The following GPBP1 variants were observed in gnomAD, a reference collection of about 807,000 sequenced individuals.
GPBP1 encodes vasculin.
In GPBP1, 13 loss-of-function variants were observed where a neutral mutation model predicts 56.5. That is an observed-to-expected ratio of 0.23 (90% CI 0.15 to 0.37). The LOEUF is 0.37. Among genes scored for constraint, GPBP1 ranks in the 10% least tolerant of loss-of-function variants. The pLI is 1.00. For synonymous variants in GPBP1, 204 were observed against 188.9 expected, an observed-to-expected ratio of 1.08 and a Z score of -0.66; for missense variants, 477 against 572.3, an observed-to-expected ratio of 0.83 and a Z score of 1.70.
chr5:57,186,389 A>T (rs892438617), intron 2 of GPBP1, among the ~76,000 whole-genome samples: 5 of 56,778 alleles, frequency 8.8e-5, no homozygotes, highest in African/African-American at 3.2e-4. Flanking sequence ...TTGCCTCTTT[A>T]AAAAAAAAAA....
chr5:57,264,361 T>C lies in GPBP1; in HGVS notation c.*1609T>C, dbSNP rs768678846. 13 of 152,186 alleles carry C rather than the reference T, an allele frequency of 8.5e-5. No individual in the cohort carries two copies. Among genetic ancestry groups the C allele is most frequent in the Admixed American group, 2.0e-4 (3 of 15,266 alleles). 9.4% of individuals were successfully genotyped at this position (152,186 alleles called of 1,614,324 possible). A position where few individuals can be genotyped will look rare whatever the true frequency, so the allele number is the denominator to read the frequency against. On this transcript the variant is annotated 3_prime_UTR_variant, in exon 12 of 12. Transcript: ENST00000506184. ...TTGACGAAGCTATCGGTAACACATATTGAATGTCTTTGAGACTCTTAGATT... is the reference window on the plus strand; with the variant it reads ...TTGACGAAGCTATCGGTAACACATACTGAATGTCTTTGAGACTCTTAGATT...
chr5:57,261,324 C>CAAAT, intron 11 of GPBP1, 42 bp downstream of exon 11: 1 of 1,062,486 alleles, frequency 9.4e-7, no homozygotes, highest in South Asian at 1.3e-5. Flanking sequence ...TTAAACTGCC[C>CAAAT]TTATTTAGAA....
chr5:57,205,229 T>C (rs187133585), intron 2 of GPBP1, among the ~76,000 whole-genome samples: 161 of 152,346 alleles, frequency 1.1e-3, no homozygotes, highest in African/African-American at 3.5e-3. Context: ...TGGCTTCTCT[T>C]TGTTTTTGAC....
intron 2 of GPBP1, among the ~76,000 whole-genome samples, chr5:57,180,409 T>G (rs533366789): frequency 6.6e-6 from 1 of 152,162 alleles, no homozygotes; most frequent in Non-Finnish European, 1.5e-5. Context: ...CGTGAGCCAC[T>G]GCACCTGGTC....
At chr5:57,229,244 AAAAAAAAAAAAAAAAAAAAAAAAGG>A (rs1269978083) in intron 3 of GPBP1, among the ~76,000 whole-genome samples, 1 of 64,738 alleles carries the variant, frequency 1.5e-5, no homozygotes, top group Non-Finnish European at 2.9e-5. Flanking sequence ...AAAAAAAAAA[AAAAAAAAAAAAAAAAAAAAAAAAGG>A]AGTTGTCTGT....
intron 2 of GPBP1, among the ~76,000 whole-genome samples, chr5:57,176,960 A>T (rs1421176739): frequency 6.6e-6 from 1 of 152,346 alleles, no homozygotes; most frequent in South Asian, 2.1e-4. Context: ...TTAATCCGTT[A>T]TAGAAATTAA....
At chr5:57,231,407 G>A in intron 5 of GPBP1, 86 bp downstream of exon 5, 1 of 1,029,114 alleles carries the variant, frequency 9.7e-7, no homozygotes, top group African/African-American at 1.6e-5. Context: ...TCCAGTATCT[G>A]GGATTACAGG....
intron 6 of GPBP1, chr5:57,246,004 A>G (rs1463360769): frequency 9.2e-6 from 2 of 218,088 alleles, no homozygotes; most frequent in African/African-American, 4.5e-5. Context: ...TAGTTAATGC[A>G]AGGCATGTTA....
chr5:57,223,447 G>A (rs1305278149), intron 3 of GPBP1, among the ~76,000 whole-genome samples: 2 of 152,020 alleles, frequency 1.3e-5, no homozygotes, highest in African/African-American at 2.4e-5. Context: ...CCAATTCTTG[G>A]TGCTATCAGT....
intron 2 of GPBP1, among the ~76,000 whole-genome samples, chr5:57,192,516 G>A (rs1053272506): frequency 2.6e-5 from 4 of 151,790 alleles, no homozygotes; most frequent in Admixed American, 6.6e-5. Flanking sequence ...CACTTTGGGA[G>A]GCTGAGGTAG....
Position 57,214,181 on chromosome 5 carries a change from A to T in GPBP1, c.51A>T (p.Pro17=). 2 of 1,612,632 alleles carry T rather than the reference A, an allele frequency of 1.2e-6. No individual in the cohort carries two copies. Among genetic ancestry groups the T allele is most frequent in the Non-Finnish European group, 1.7e-6 (2 of 1,178,724 alleles). ...APAWLNFPTP[P]SSTKSSLNFE... is the part of the protein sequence containing the mutation. ...CCTGGCTTAATTTCCCTACTCCACC[A>T]TCATCAACAAAGGTACTCTTTCTGC... Residue 17 remains proline, a synonymous_variant, in exon 3 of 12, where the codon CCA becomes CCT. Transcript: ENST00000506184.
intron 2 of GPBP1, among the ~76,000 whole-genome samples, chr5:57,209,718 A>C (rs935725216): frequency 6.6e-6 from 1 of 152,102 alleles, no homozygotes; most frequent in Non-Finnish European, 1.5e-5. Context: ...AGATTTTGTC[A>C]AATGCTTTTT....
At chr5:57,215,727 G>A (rs1580015834) in intron 3 of GPBP1, among the ~76,000 whole-genome samples, 2 of 152,190 alleles carry the variant, frequency 1.3e-5, no homozygotes, top group South Asian at 4.1e-4. Context: ...TTTGAATAAA[G>A]TTAGTTCCTT....
At chr5:57,202,359 G>C (rs1396128876) in intron 2 of GPBP1, among the ~76,000 whole-genome samples, 2 of 152,086 alleles carry the variant, frequency 1.3e-5, no homozygotes, top group Non-Finnish European at 2.9e-5. Context: ...CCTGATCTTG[G>C]CTCGCTGCAA....
chr5:57,250,042 C>T (rs1741309239), intron 9 of GPBP1, among the ~76,000 whole-genome samples: 2 of 121,856 alleles, frequency 1.6e-5, no homozygotes, highest in African/African-American at 6.5e-5. Context: ...AGGGCATCAT[C>T]TTGGGCTGCA....
In GPBP1 at chr5:57,224,741, C is replaced by G. The variant is rs370217469; in HGVS notation, c.64-6105C>G. On this transcript the variant is annotated intron_variant, in intron 3 of 11. Coordinates refer to ENST00000506184, the MANE Select transcript of GPBP1 (RefSeq NM_022913.4). ...ATAGTTTTAAAATTCGGGATTATGACCTGACCATCCCTGGACATGATGTTG... is the reference window on the plus strand; with the variant it reads ...ATAGTTTTAAAATTCGGGATTATGAGCTGACCATCCCTGGACATGATGTTG... 7.9e-5 allele frequency among the ~76,000 whole-genome samples: 12 copies of G among 152,198 alleles called. 1 individual carries two copies. In the South Asian group the frequency reaches 2.5e-3, roughly 32 times the overall value.
chr5:57,188,551 A>G (rs1754387078), intron 2 of GPBP1, among the ~76,000 whole-genome samples: 2 of 152,004 alleles, frequency 1.3e-5, no homozygotes. Context: ...CCTGGGCAGC[A>G]TGGTGAAATC....
intron 3 of GPBP1, among the ~76,000 whole-genome samples, chr5:57,216,895 C>T (rs1755720981): frequency 6.6e-6 from 1 of 150,968 alleles, no homozygotes; most frequent in Admixed American, 6.6e-5. Context: ...AAATAAGACT[C>T]GAATGGCTCA....
intron 3 of GPBP1, among the ~76,000 whole-genome samples, chr5:57,216,023 C>G (rs1267319306): frequency 1.3e-5 from 2 of 152,158 alleles, no homozygotes; most frequent in Non-Finnish European, 2.9e-5. Context: ...GGAGCAATAG[C>G]CTGAATCTGA....
Sources: allele counts gnomAD v4.1 joint callset (sites outside exome capture counted in the v4.1 genomes callset), GRCh38; gene constraint gnomAD v4.1.1; transcripts MANE v1.5; gene names NCBI Gene and HGNC (gene_info 2026-07-23, HGNC 2026-07-21).